Variants in FAT2 observed in about 807,000 individuals in gnomAD.
FAT2 encodes FAT atypical cadherin 2.
In FAT2, 150 loss-of-function variants were observed where a neutral mutation model predicts 295.3. That is an observed-to-expected ratio of 0.51 (90% CI 0.44 to 0.58). The LOEUF (loss-of-function observed/expected upper bound fraction) is 0.58. FAT2 is among the 20% of genes least tolerant of loss of function. The probability of loss-of-function intolerance (pLI) is 0.00; values close to 1 mark genes in which losing one functional copy is unlikely to be tolerated. For synonymous variants in FAT2, 2,026 were observed against 2,150.3 expected (o/e 0.94, Z 1.60); for missense variants, 4,868 against 5,442.7 (o/e 0.89, Z 3.32).
chr5:151,513,842 TCA>T (rs1752570993), intron 20 of FAT2, among the ~76,000 whole-genome samples: 1 of 152,238 alleles, frequency 6.6e-6, no homozygotes, highest in African/African-American at 2.4e-5. Flanking sequence ...TTTAAATATC[TCA>T]GTTTTAATGT....
intron 1 of FAT2, among the ~76,000 whole-genome samples, chr5:151,570,494 G>A (rs1758478885): frequency 6.6e-6 from 1 of 152,362 alleles, no homozygotes; most frequent in Non-Finnish European, 1.5e-5. Flanking sequence ...ATGAATAAAT[G>A]CTTCGCCTCT....
At chr5:151,507,105 C>T in intron 23 of FAT2, 49 bp downstream of exon 23, 1 of 1,483,374 alleles carries the variant, frequency 6.7e-7, no homozygotes, top group Non-Finnish European at 9.1e-7. Context: ...TTAGAACCAC[C>T]ACCCACTTCC....
intron 13 of FAT2, 49 bp from the exon 14 acceptor site, chr5:151,532,019 G>A (rs771453685): frequency 1.9e-6 from 3 of 1,594,072 alleles, no homozygotes; most frequent in Non-Finnish European, 2.6e-6. Context: ...GCCTCCTCTG[G>A]ACCTGCCTGC....
chr5:151,555,953 G>A (rs944106092), intron 4 of FAT2, among the ~76,000 whole-genome samples: 2 of 152,200 alleles, frequency 1.3e-5, no homozygotes, highest in Non-Finnish European at 2.9e-5. Context: ...AAAGAGCACA[G>A]ATCTAGAAGA....
intron 13 of FAT2, among the ~76,000 whole-genome samples, chr5:151,532,310 T>C (rs1754721087): frequency 6.6e-6 from 1 of 152,158 alleles, no homozygotes; most frequent in Non-Finnish European, 1.5e-5. Flanking sequence ...ATAGAACAGC[T>C]CTGTATCTTG....
At chr5:151,565,647 A>ACCG in intron 2 of FAT2, 26 bp downstream of exon 2, 28 of 1,461,016 alleles carry the variant, frequency 1.9e-5, no homozygotes, top group Non-Finnish European at 2.5e-5. Flanking sequence ...TGGCCCTGGC[A>ACCG]CCCCACCCTA....
chr5:151,505,238 C>G lies in FAT2; in HGVS notation c.*327G>C. 6 of 427,858 alleles carry G rather than the reference C, an allele frequency of 1.4e-5. No individual in the cohort carries two copies. In the South Asian group the frequency reaches 1.6e-4, roughly 12 times the overall value. 26.5% of individuals were successfully genotyped at this position (427,858 alleles called of 1,614,324 possible). On this transcript the variant is annotated 3_prime_UTR_variant, in exon 24 of 24. Transcript: ENST00000261800. ...CAGCACAGTCAATCAGGCTCTGCCC[C>G]GGGGACTGAGAGCCGGCAGATCAGG... is the stretch of plus-strand genomic sequence containing the variant.
At chr5:151,561,417 C>T (rs538766689) in intron 3 of FAT2, among the ~76,000 whole-genome samples, 2 of 151,880 alleles carry the variant, frequency 1.3e-5, no homozygotes, top group South Asian at 4.2e-4. Context: ...CTGAGACAGG[C>T]TCTTGTTCTG....
chr5:151,546,325 C>T lies in FAT2; in HGVS notation c.4802G>A (p.Gly1601Asp). 6.2e-7 allele frequency: 1 copy of T among 1,612,060 alleles called. No homozygotes were observed. The highest frequency in any genetic ancestry group is 2.2e-5 in the East Asian group (1 of 44,864). Residue 1601 changes from glycine to aspartate, a missense_variant, in exon 10 of 24, where the codon GGT (glycine) becomes GAT (aspartate). This residue lies in a region of FAT2 where 3,297 missense variants were observed against 3,669.4 expected (regional missense o/e 0.90). Coordinates refer to ENST00000261800, the MANE Select transcript of FAT2 (RefSeq NM_001447.3). ...TAGCAGGGCATTGATGTTGAAGAAA[C>T]CTTCGCTGTTCCCTGAAACAGAAGA... is the stretch of plus-strand genomic sequence containing the variant. ...HYSLLKGNSE[G>D]FFNINALLGI... is the part of the protein sequence containing the mutation.
chr5:151,577,022 A>C (rs1016530239), intron 1 of FAT2, among the ~76,000 whole-genome samples: 1 of 152,232 alleles, frequency 6.6e-6, no homozygotes, highest in Non-Finnish European at 1.5e-5. Flanking sequence ...GTATGGTATT[A>C]TAATTTTATG....
In FAT2 at chr5:151,544,547, G is replaced by T. The variant is rs1465858772; in HGVS notation, c.6580C>A (p.Gln2194Lys). ...CGGAGTCCCTCTGGACTCCGGGCCT[G>T]GGTGTGGAGAATTGGGGTATAGAGG... ...ITLYTPILHT[Q>K]ARSPEGLRLI... Residue 2194 changes from glutamine (Q) to lysine (K), a missense_variant, in exon 10 of 24, where the codon CAG (glutamine) becomes AAG (lysine). Gln to Lys is a moderately conservative substitution (Grantham distance 53). Coordinates refer to ENST00000261800, the MANE Select transcript of FAT2 (RefSeq NM_001447.3). 2 of 1,613,914 alleles carry T rather than the reference G, an allele frequency of 1.2e-6. No homozygotes were observed. The highest frequency in any genetic ancestry group is 1.7e-6 in the Non-Finnish European group (2 of 1,179,948).
chr5:151,522,005 A>G lies in FAT2; in HGVS notation c.10588T>C (p.Ser3530Pro). Reference sequence around the variant, plus strand: ...ATGAAGATCTCCAGTGGGAGAGCAGAAGGTGCATAGTGGCTCTGCTCTGTG... The same window carrying G: ...ATGAAGATCTCCAGTGGGAGAGCAGGAGGTGCATAGTGGCTCTGCTCTGTG... Reference protein sequence around the residue: ...HVTEQSHYAPSALPLEIFITV... With the variant: ...HVTEQSHYAPPALPLEIFITV... Residue 3530 changes from serine to proline, a missense_variant, in exon 19 of 24, where the codon TCT becomes CCT. Transcript: ENST00000261800. 1 of 1,614,144 alleles carries G rather than the reference A, an allele frequency of 6.2e-7. No homozygotes were observed. The highest frequency in any genetic ancestry group is 8.5e-7 in the Non-Finnish European group (1 of 1,179,984).
In FAT2 at chr5:151,546,236, T is replaced by G. The variant is rs1383846175; in HGVS notation, c.4891A>C (p.Lys1631Gln). Residue 1631 changes from lysine to glutamine, a missense_variant, in exon 10 of 24, where the codon AAG (lysine) becomes CAG (glutamine). Physicochemically the swap from Lys to Gln is moderately conservative, Grantham distance 53. This residue lies in a region of FAT2 where 3,297 missense variants were observed against 3,669.4 expected (regional missense o/e 0.90). Transcript: ENST00000261800. ...TGTGGGGAGCCTTGATCTTCTGCCT[T>G]CACTGTCAGAGTATGTGGGGCATGA... ...ANHAPHTLTV[K>Q]AEDQGSPQWH... 6.2e-7 allele frequency: 1 copy of G among 1,614,200 alleles called. No homozygotes were observed. The highest frequency in any genetic ancestry group is 8.5e-7 in the Non-Finnish European group (1 of 1,180,026).
rs1329872197 is a variant in FAT2, at chr5:151,531,019, G to A, written c.9811+568C>T. On this transcript the variant is annotated intron_variant, in intron 14 of 23. Coordinates refer to ENST00000261800, the MANE Select transcript of FAT2 (RefSeq NM_001447.3). This position sits in a 1 kb window ranked among gnomAD's most constrained non-coding sequence, Gnocchi z 5.7. ...ATCTGTGTGAGACACAGGCTGACCT[G>A]GGTGGCCTCTGAGGCCCTTCGGTGA... is the stretch of plus-strand genomic sequence containing the variant. Among the ~76,000 whole-genome samples, 1 of 152,226 alleles carries A rather than the reference G, an allele frequency of 6.6e-6. No homozygotes were observed. The highest frequency in any genetic ancestry group is 1.5e-5 in the Non-Finnish European group (1 of 68,052).
chr5:151,587,700 A>G (rs2127664885), intron 1 of FAT2, among the ~76,000 whole-genome samples: 1 of 152,192 alleles, frequency 6.6e-6, no homozygotes, highest in African/African-American at 2.4e-5. Context: ...ATCAACTGTG[A>G]GTCTTTGGGG....
Position 151,546,221 on chromosome 5 carries a change from C to T in FAT2, c.4906G>A (p.Gly1636Ser). The change falls in exon 10 of 24, where the codon GGC (glycine) becomes AGC (serine). Residue 1636 changes from glycine to serine, a missense_variant. Gly to Ser is a moderately conservative substitution (Grantham distance 56, BLOSUM62 0). Transcript: ENST00000261800. The part of the protein sequence containing the change: ...HTLTVKAEDQ[G>S]SPQWHDLATV... ...GCCAGGTCATGCCATTGTGGGGAGC[C>T]TTGATCTTCTGCCTTCACTGTCAGA... 3 of 1,614,122 alleles carry T rather than the reference C, an allele frequency of 1.9e-6. No homozygotes were observed. The highest frequency in any genetic ancestry group is 2.5e-6 in the Non-Finnish European group (3 of 1,180,024).
At chr5:151,572,134 A>G (rs962174874) in intron 1 of FAT2, among the ~76,000 whole-genome samples, 4 of 152,154 alleles carry the variant, frequency 2.6e-5, no homozygotes, top group African/African-American at 9.7e-5. Flanking sequence ...TTCATGACAT[A>G]TATCACTACC....
At position 151,550,657 on chromosome 5, in the gene FAT2, C is replaced by T; in HGVS notation, c.4511G>A (p.Gly1504Asp). ...ASLFQLDPSS[G>D]VLVTVGKLDL... ...CAATTTTCCCACCGTTACCAGGACA[C>T]CACTGCTTGGGTCCAGCTGGAAGAG... Residue 1504 changes from glycine (G) to aspartate (D), a missense_variant, in exon 8 of 24, where the codon GGT becomes GAT. Coordinates refer to ENST00000261800, the MANE Select transcript of FAT2 (RefSeq NM_001447.3). 3 of 1,614,216 alleles carry T rather than the reference C, an allele frequency of 1.9e-6. No individual in the cohort carries two copies. Among genetic ancestry groups the T allele is most frequent in the Non-Finnish European group, 2.5e-6 (3 of 1,180,050 alleles).
Position 151,544,130 on chromosome 5 carries a change from T to C in FAT2, c.6997A>G (p.Thr2333Ala), listed in dbSNP as rs12653130. The change falls in exon 10 of 24, where the codon ACA becomes GCA. Residue 2333 changes from threonine (T) to alanine (A), a missense_variant. Transcript: ENST00000261800. Reference sequence around the variant, plus strand: ...GCTTCATAATCCAGTTCTTGAACTGTGGACATCTCCCCTGTGCTCCCATTG... The same window carrying C: ...GCTTCATAATCCAGTTCTTGAACTGCGGACATCTCCCCTGTGCTCCCATTG... ...QINGSTGEMS[T>A]VQELDYEAQQ... 6.2e-7 allele frequency: 1 copy of C among 1,614,192 alleles called. No individual in the cohort carries two copies. Among genetic ancestry groups the C allele is most frequent in the Non-Finnish European group, 8.5e-7 (1 of 1,180,028 alleles).
Sources: allele counts gnomAD v4.1 joint callset (sites outside exome capture counted in the v4.1 genomes callset), GRCh38; gene constraint gnomAD v4.1.1; regional missense constraint gnomAD v4.1.1; non-coding constraint Gnocchi (gnomAD v3.1); transcripts MANE v1.5; gene names NCBI Gene and HGNC (gene_info 2026-07-23, HGNC 2026-07-21).